SLC44A1: variants seen among roughly 807,000 people sequenced by gnomAD.
SLC44A1 encodes choline transporter-like protein 1.
Under a neutral mutation model 79.3 loss-of-function variants are expected in SLC44A1, and 26 were observed. That is an observed-to-expected ratio of 0.33 (90% CI 0.24 to 0.46). The LOEUF (loss-of-function observed/expected upper bound fraction) is 0.46, where lower values mean the gene tolerates loss of function less well. SLC44A1 is among the 20% of genes least tolerant of loss of function. The pLI, the probability that SLC44A1 is intolerant of heterozygous loss-of-function variation, is 1.00. For synonymous variants in SLC44A1, 263 were observed against 286.2 expected, an observed-to-expected ratio of 0.92 and a Z score of 0.82; for missense variants, 688 against 798.1, an observed-to-expected ratio of 0.86 and a Z score of 1.66.
chr9:105,431,134 A>C (rs1829387520), intron 15 of SLC44A1, among the ~76,000 whole-genome samples: 2 of 152,234 alleles, frequency 1.3e-5, no homozygotes, highest in Non-Finnish European at 2.9e-5. Context: ...ATCCAAGGTC[A>C]TACATATTTA....
At chr9:105,420,540 T>G (rs1411977401) in intron 15 of SLC44A1, among the ~76,000 whole-genome samples, 2 of 151,984 alleles carry the variant, frequency 1.3e-5, no homozygotes, top group East Asian at 3.9e-4. Flanking sequence ...GTTGAGCTGA[T>G]TATGAGTCAG....
chr9:105,245,760 A>G (rs952675228), intron 1 of SLC44A1, among the ~76,000 whole-genome samples: 1 of 152,154 alleles, frequency 6.6e-6, no homozygotes, highest in African/African-American at 2.4e-5. Flanking sequence ...CTCAGCTTCT[A>G]CCCTGCCCCC....
intron 3 of SLC44A1, among the ~76,000 whole-genome samples, chr9:105,317,797 C>T (rs1027178238): frequency 6.6e-6 from 1 of 152,150 alleles, no homozygotes; most frequent in Admixed American, 6.5e-5. Context: ...TACATTTGTC[C>T]ATTGGACTAA....
chr9:105,333,087 G>T (rs1021090766), intron 3 of SLC44A1, among the ~76,000 whole-genome samples: 10 of 152,118 alleles, frequency 6.6e-5, no homozygotes, highest in African/African-American at 2.4e-4. Flanking sequence ...ATAAATCAAA[G>T]GAATATGTTT....
At chr9:105,257,868 G>A (rs1829748338) in intron 1 of SLC44A1, among the ~76,000 whole-genome samples, 2 of 152,214 alleles carry the variant, frequency 1.3e-5, no homozygotes, top group East Asian at 3.8e-4. Context: ...GAGATGTTAT[G>A]TTGCATTTGG....
chr9:105,406,901 T>C (rs1160109702), intron 15 of SLC44A1, among the ~76,000 whole-genome samples: 1 of 152,070 alleles, frequency 6.6e-6, no homozygotes, highest in Non-Finnish European at 1.5e-5. Flanking sequence ...ATGTTTTACC[T>C]AATAGAAGAC....
chr9:105,342,630 A>G (rs991380112), intron 4 of SLC44A1, among the ~76,000 whole-genome samples: 1 of 152,104 alleles, frequency 6.6e-6, no homozygotes, highest in Non-Finnish European at 1.5e-5. Context: ...CTGACGCAGC[A>G]TCTCTGGTCC....
intron 1 of SLC44A1, among the ~76,000 whole-genome samples, chr9:105,250,762 C>A (rs1829564946): frequency 6.6e-6 from 1 of 152,178 alleles, no homozygotes. Context: ...CTTGGCTGCA[C>A]ATTGGAATCA....
chr9:105,383,117 C>G lies in SLC44A1; in HGVS notation c.1633-6C>G, dbSNP rs1454810530. 1 of 1,596,530 alleles carries G rather than the reference C, an allele frequency of 6.3e-7. No homozygotes were observed. The highest frequency in any genetic ancestry group is 8.6e-7 in the Non-Finnish European group (1 of 1,164,384). On this transcript the variant is annotated splice_region_variant and splice_polypyrimidine_tract_variant and intron_variant, in intron 13 of 15. Coordinates refer to ENST00000374720, the MANE Select transcript of SLC44A1 (RefSeq NM_080546.5). ...TTAAATATGATCTTTGTTCTCTCTG[C>G]TTCAGGTGCTGATAGTCTGCAGCAC...
intron 1 of SLC44A1, among the ~76,000 whole-genome samples, chr9:105,270,087 C>T (rs541264384): frequency 2.6e-5 from 4 of 152,274 alleles, no homozygotes; most frequent in Admixed American, 2.0e-4. Flanking sequence ...AATATCTTTT[C>T]CCAGTACCTG....
intron 1 of SLC44A1, among the ~76,000 whole-genome samples, chr9:105,282,549 T>C (rs1423499035): frequency 6.8e-6 from 1 of 147,826 alleles, no homozygotes; most frequent in African/African-American, 2.6e-5. Context: ...TGGGTCTTGA[T>C]TTTTTTTTTC....
At chr9:105,260,951 C>T (rs1269916719) in intron 1 of SLC44A1, among the ~76,000 whole-genome samples, 3 of 152,132 alleles carry the variant, frequency 2.0e-5, no homozygotes, top group African/African-American at 7.2e-5. Context: ...TTATTGAATA[C>T]ATATGGAACA....
chr9:105,344,862 A>G (rs1361018403), intron 4 of SLC44A1, among the ~76,000 whole-genome samples: 2 of 152,186 alleles, frequency 1.3e-5, no homozygotes, highest in Non-Finnish European at 2.9e-5. Context: ...GGTTGGTCAG[A>G]GAAGGCTTGA....
At position 105,396,721 on chromosome 9, in the gene SLC44A1, CT is replaced by C. The variant is rs546061302; in HGVS notation, c.*7678del. 0.27 allele frequency: 152,925 copies of C among 576,958 alleles called. 11 individuals carry two copies. The highest frequency in any genetic ancestry group is 0.3 in the Non-Finnish European group (138,692 of 461,994). The allele number at this position is 576,958 out of a possible 1,614,324, so 35.7% of individuals were successfully genotyped here. A position where few individuals can be genotyped will look rare whatever the true frequency, so the allele number is the denominator to read the frequency against. Reference sequence around the variant, plus strand: ...ATTTCTCAATCTGATGCCTTTTTGTCTTTTTTTTTTTTTGCCATTTGCATCC... The same window carrying C: ...ATTTCTCAATCTGATGCCTTTTTGTCTTTTTTTTTTTTGCCATTTGCATCC... On this transcript the variant is annotated 3_prime_UTR_variant, in exon 16 of 16. Coordinates refer to ENST00000374720, the MANE Select transcript of SLC44A1 (RefSeq NM_080546.5).
At chr9:105,339,843 AAAAC>A (rs1395789069) in intron 4 of SLC44A1, among the ~76,000 whole-genome samples, 1 of 152,154 alleles carries the variant, frequency 6.6e-6, no homozygotes, top group South Asian at 2.1e-4. Flanking sequence ...AAAACAAACA[AAAAC>A]AAAGAAAATG....
intron 15 of SLC44A1, among the ~76,000 whole-genome samples, chr9:105,405,703 A>G (rs1829020934): frequency 6.6e-6 from 1 of 152,008 alleles, no homozygotes; most frequent in Non-Finnish European, 1.5e-5. Flanking sequence ...TGAATGATCA[A>G]CTCAGGGGTT....
rs1355360026 is a variant in SLC44A1, at chr9:105,299,297, C to G, written c.114C>G (p.Phe38Leu). The G allele has an allele frequency of 6.3e-7, 1 of 1,586,748 alleles. No homozygotes were observed. Among genetic ancestry groups the G allele is most frequent in the Non-Finnish European group, 8.5e-7 (1 of 1,170,172 alleles). The change falls in exon 2 of 16, where the codon TTC becomes TTG. Residue 38 changes from phenylalanine to leucine, a missense_variant. By Grantham distance (22) the Phe-to-Leu change is conservative (BLOSUM62 0). Coordinates refer to ENST00000374720, the MANE Select transcript of SLC44A1 (RefSeq NM_080546.5). ...DIPWLLLFIL[F>L]CIGMGFICGF... ...CATGGCTGCTGCTCTTCATCCTCTT[C>G]TGCATTGGGATGGTAAGGAAACTCT...
intron 15 of SLC44A1, among the ~76,000 whole-genome samples, chr9:105,420,493 C>A (rs941530680): frequency 6.6e-6 from 1 of 152,186 alleles, no homozygotes; most frequent in South Asian, 2.1e-4. Flanking sequence ...TTTAATATAT[C>A]TCTTTCTTTT....
rs776538234 is a variant in SLC44A1, at chr9:105,364,675, A to G, written c.1208A>G (p.Gln403Arg). 6.2e-7 allele frequency: 1 copy of G among 1,613,978 alleles called. No homozygotes were observed. The highest frequency in any genetic ancestry group is 8.5e-7 in the Non-Finnish European group (1 of 1,179,990). ...IWISEFILAC[Q>R]QMTVAGAVVT... ...ATCAGTGAATTTATTCTAGCATGTC[A>G]GCAGATGACAGTGGCAGGAGCTGTG... The change falls in exon 10 of 16, where the codon CAG (glutamine) becomes CGG (arginine). Residue 403 changes from glutamine (Q) to arginine (R), a missense_variant. Coordinates refer to ENST00000374720, the MANE Select transcript of SLC44A1 (RefSeq NM_080546.5).
Sources: gnomAD v4.1 joint callset for allele counts (sites outside exome capture counted in the v4.1 genomes callset) on GRCh38, gnomAD v4.1.1 for gene constraint, MANE v1.5 for transcripts, NCBI Gene and HGNC (gene_info 2026-07-23, HGNC 2026-07-21) for gene names.